PARD3: variants seen among roughly 807,000 people sequenced by gnomAD.
PARD3 encodes the protein par-3 family cell polarity regulator, also known as partitioning defective 3 homolog.
In PARD3, 75 loss-of-function variants were observed where a neutral mutation model predicts 155.4. The observed-to-expected ratio is 0.48, with a 90% CI of 0.40 to 0.58. PARD3 has a LOEUF of 0.58. Among genes scored for constraint, PARD3 ranks in the 20% least tolerant of loss-of-function variants. The pLI is 0.00. For missense variants in PARD3, 1,642 were observed against 1,721.7 expected, an observed-to-expected ratio of 0.95 and a Z score of 0.82; for synonymous variants, 576 against 610.5, an observed-to-expected ratio of 0.94 and a Z score of 0.83.
chr10:34,236,792 A>G (rs953280022), intron 22 of PARD3, among the ~76,000 whole-genome samples: 1 of 152,214 alleles, frequency 6.6e-6, no homozygotes, highest in African/African-American at 2.4e-5. Flanking sequence ...GCACCAATCA[A>G]GTCTATTCTC....
intron 20 of PARD3, among the ~76,000 whole-genome samples, chr10:34,303,393 ATAAAT>A (rs1957250407): frequency 6.6e-6 from 1 of 152,084 alleles, no homozygotes; most frequent in African/African-American, 2.4e-5. Flanking sequence ...ATATCCTGAG[ATAAAT>A]TAAACAGATG....
intron 7 of PARD3, among the ~76,000 whole-genome samples, chr10:34,393,503 C>G (rs1487118207): frequency 6.6e-6 from 1 of 151,796 alleles, no homozygotes; most frequent in Non-Finnish European, 1.5e-5. Flanking sequence ...ATCACCTAAG[C>G]CCGGCAGGTT....
At chr10:34,113,282 A>G (rs1564401754) in intron 24 of PARD3, among the ~76,000 whole-genome samples, 1 of 152,278 alleles carries the variant, frequency 6.6e-6, no homozygotes, top group East Asian at 1.9e-4. Context: ...GTGCACCCTA[A>G]GTGGATTCTG....
At chr10:34,726,830 G>A (rs1402127965) in intron 1 of PARD3, among the ~76,000 whole-genome samples, 2 of 152,064 alleles carry the variant, frequency 1.3e-5, no homozygotes, top group African/African-American at 4.8e-5. Flanking sequence ...GGAAAGGCCA[G>A]CATTACATCT....
At chr10:34,777,131 G>A (rs544148682) in intron 1 of PARD3, among the ~76,000 whole-genome samples, 3 of 151,284 alleles carry the variant, frequency 2.0e-5, no homozygotes, top group Non-Finnish European at 2.9e-5. Context: ...GACTACAGGC[G>A]TGAGCCACCA....
At chr10:34,513,318 C>T (rs1012383367) in intron 3 of PARD3, among the ~76,000 whole-genome samples, 2 of 152,158 alleles carry the variant, frequency 1.3e-5, no homozygotes, top group African/African-American at 4.8e-5. Context: ...CTCATTCTGC[C>T]GCCCAGGCTG....
At chr10:34,353,366 T>C (rs1045839341) in intron 14 of PARD3, among the ~76,000 whole-genome samples, 2 of 152,230 alleles carry the variant, frequency 1.3e-5, no homozygotes, top group African/African-American at 4.8e-5. Flanking sequence ...TTTTGTTCTG[T>C]ACCAAGAAAA....
intron 1 of PARD3, among the ~76,000 whole-genome samples, chr10:34,731,336 C>G (rs905300463): frequency 1.1e-4 from 16 of 152,324 alleles, no homozygotes; most frequent in African/African-American, 3.8e-4. Flanking sequence ...GAGCTGTTCA[C>G]TACCTCTTAG....
At chr10:34,417,544 G>A (rs1202230906) in intron 5 of PARD3, among the ~76,000 whole-genome samples, 1 of 151,966 alleles carries the variant, frequency 6.6e-6, no homozygotes, top group Non-Finnish European at 1.5e-5. Context: ...AATTCTTAAA[G>A]GTGATTTGAA....
intron 2 of PARD3, among the ~76,000 whole-genome samples, chr10:34,681,790 T>A (rs1334535740): frequency 9.8e-6 from 1 of 102,462 alleles, no homozygotes; most frequent in Non-Finnish European, 2.0e-5. Context: ...TTTTTTTTTT[T>A]TTTTTTTTTT....
chr10:34,614,141 T>C (rs2132647999), intron 2 of PARD3, among the ~76,000 whole-genome samples: 1 of 152,288 alleles, frequency 6.6e-6, no homozygotes, highest in Non-Finnish European at 1.5e-5. Context: ...GTATTCCTTC[T>C]TGGGAAAAGT....
At chr10:34,559,104 C>A (rs1017795356) in intron 2 of PARD3, among the ~76,000 whole-genome samples, 1 of 152,044 alleles carries the variant, frequency 6.6e-6, no homozygotes, top group African/African-American at 2.4e-5. Context: ...TGCCAAAGCA[C>A]TGTGACTTTC....
intron 20 of PARD3, among the ~76,000 whole-genome samples, chr10:34,310,696 C>G (rs1390449791): frequency 6.6e-6 from 1 of 152,174 alleles, no homozygotes; most frequent in Non-Finnish European, 1.5e-5. Context: ...TATCAGCTAC[C>G]TTAGAACTTG....
Position 34,110,897 on chromosome 10 carries a change from T to C in PARD3, c.*272A>G, listed in dbSNP as rs986283438. ...GACAACTCATGAGTAGGGCCGAGAT[T>C]CCTGGTACTGTGGAGAGGCGCAGAG... On this transcript the variant is annotated 3_prime_UTR_variant, in exon 25 of 25. Transcript: ENST00000374788. The C allele has an allele frequency of 3.3e-6, 1 of 299,374 alleles. No individual in the cohort carries two copies. Among genetic ancestry groups the C allele is most frequent in the African/African-American group, 2.1e-5 (1 of 46,770 alleles). The allele number at this position is 299,374 out of a possible 1,614,324, so 18.5% of individuals were successfully genotyped here. A position where few individuals can be genotyped will look rare whatever the true frequency, so the allele number is the denominator to read the frequency against.
At chr10:34,202,619 T>C (rs1271422069) in intron 22 of PARD3, among the ~76,000 whole-genome samples, 1 of 152,218 alleles carries the variant, frequency 6.6e-6, no homozygotes, top group East Asian at 1.9e-4. Context: ...TTGCTCAACA[T>C]ATCTGAGAAC....
intron 3 of PARD3, among the ~76,000 whole-genome samples, chr10:34,480,308 T>A (rs901265632): frequency 1.3e-5 from 2 of 152,164 alleles, no homozygotes; most frequent in African/African-American, 2.4e-5. Flanking sequence ...AGATCACAGC[T>A]CACTGCAGCC....
At chr10:34,792,018 G>A (rs761532711) in intron 1 of PARD3, among the ~76,000 whole-genome samples, 19 of 151,918 alleles carry the variant, frequency 1.3e-4, no homozygotes, top group Non-Finnish European at 2.5e-4. Flanking sequence ...AGCCTCCCTC[G>A]GCCACCTCCC....
At chr10:34,444,620 C>T (rs922646424) in intron 5 of PARD3, among the ~76,000 whole-genome samples, 2 of 152,154 alleles carry the variant, frequency 1.3e-5, no homozygotes, top group African/African-American at 4.8e-5. Context: ...TCACTGAAAA[C>T]CCCGGCTACT....
chr10:34,794,796 T>C (rs962621823), intron 1 of PARD3, among the ~76,000 whole-genome samples: 5 of 152,266 alleles, frequency 3.3e-5, no homozygotes, highest in Admixed American at 2.0e-4. Flanking sequence ...ATACATTTTA[T>C]TGCCCTTGCC....
Sources: gnomAD v4.1 joint callset for allele counts (sites outside exome capture counted in the v4.1 genomes callset) on GRCh38, gnomAD v4.1.1 for gene constraint, MANE v1.5 for transcripts, NCBI Gene and HGNC (gene_info 2026-07-23, HGNC 2026-07-21) for gene names.